The following SLC5A7 variants were observed in gnomAD, a reference collection of about 807,000 sequenced individuals.
The protein encoded by SLC5A7 is high affinity choline transporter 1.
In SLC5A7, 19 loss-of-function variants were observed where a neutral mutation model predicts 55.4. The observed-to-expected ratio is 0.34, with a 90% CI of 0.24 to 0.50. The LOEUF is 0.50. Among genes scored for constraint, SLC5A7 ranks in the 20% least tolerant of loss-of-function variants. The pLI, the probability that SLC5A7 is intolerant of heterozygous loss-of-function variation, is 0.98. For synonymous variants in SLC5A7, 265 were observed against 263.7 expected (o/e 1.00, Z -0.05); for missense variants, 506 against 705.3 (o/e 0.72, Z 3.20).
chr2:107,989,885 G>A (rs965326775), intron 2 of SLC5A7, among the ~76,000 whole-genome samples: 1 of 151,746 alleles, frequency 6.6e-6, no homozygotes, highest in Non-Finnish European at 1.5e-5. Flanking sequence ...ATTTAGAATG[G>A]TTTTTTTCAA....
chr2:107,988,020 C>T, intron 1 of SLC5A7, 85 bp from the exon 2 acceptor site: 1 of 804,938 alleles, frequency 1.2e-6, no homozygotes, highest in Non-Finnish European at 1.9e-6. Flanking sequence ...CACAGGATCT[C>T]GCATGAGCCA....
chr2:108,009,030 G>T (rs571597299), intron 8 of SLC5A7, among the ~76,000 whole-genome samples: 18 of 151,862 alleles, frequency 1.2e-4, no homozygotes, highest in Non-Finnish European at 2.2e-4. Context: ...TATGACACTG[G>T]AAAATCTTGG....
chr2:107,992,979 G>A lies in SLC5A7; in HGVS notation c.300G>A (p.Leu100=). 1 of 1,613,960 alleles carries A rather than the reference G, an allele frequency of 6.2e-7. No individual in the cohort carries two copies. The highest frequency in any genetic ancestry group is 1.7e-5 in the Admixed American group (1 of 59,980). ...CAGTTGCTTAATTTTTAGGTGGCCT[G>A]TTCTTTGCAAAACCTATGCGTTCAA... ...GYSLSLILGG[L]FFAKPMRSKG... The change falls in exon 4 of 9, where the codon CTG becomes CTA. Residue 100 remains leucine, a synonymous_variant. Transcript: ENST00000264047.
intron 2 of SLC5A7, among the ~76,000 whole-genome samples, chr2:107,989,512 T>G (rs1677368151): frequency 6.6e-6 from 1 of 152,200 alleles, no homozygotes; most frequent in Non-Finnish European, 1.5e-5. Context: ...GTGGACTCAT[T>G]TGGTCTTTAT....
At chr2:108,005,402 A>G (rs1433475767) in intron 6 of SLC5A7, among the ~76,000 whole-genome samples, 1 of 152,220 alleles carries the variant, frequency 6.6e-6, no homozygotes, top group East Asian at 1.9e-4. Context: ...ATATTTTATG[A>G]TGGTTAGAAC....
Position 108,012,130 on chromosome 2 carries a change from G to T in SLC5A7, c.*1269G>T, listed in dbSNP as rs11883519. Reference sequence around the variant, plus strand: ...GAGATTGGTCATTAAATACTATTTTGCTCCTTTTCTGGTGTTACACATACA... The same window carrying T: ...GAGATTGGTCATTAAATACTATTTTTCTCCTTTTCTGGTGTTACACATACA... On this transcript the variant is annotated 3_prime_UTR_variant, in exon 9 of 9. Transcript: ENST00000264047. The T allele has an allele frequency of 0.56, 84,837 of 151,782 alleles. 23,902 individuals are homozygous for T. Among genetic ancestry groups the T allele is most frequent in the East Asian group, 0.71 (3,634 of 5,112 alleles). 9.4% of individuals were successfully genotyped at this position (151,782 alleles called of 1,614,324 possible).
At position 108,011,809 on chromosome 2, in the gene SLC5A7, T is replaced by G. The variant is rs374903324; in HGVS notation, c.*948T>G. 1.6e-4 allele frequency: 25 copies of G among 152,192 alleles called. No homozygotes were observed. The highest frequency in any genetic ancestry group is 1.4e-3 in the East Asian group (7 of 5,168). 9.4% of individuals were successfully genotyped at this position (152,192 alleles called of 1,614,324 possible). A position where few individuals can be genotyped will look rare whatever the true frequency, so the allele number is the denominator to read the frequency against. ...GTTAATGAGAGGCACACTGCTAAAT[T>G]TACGTATATTTCATTGAATACTTTA... On this transcript the variant is annotated 3_prime_UTR_variant, in exon 9 of 9. Coordinates refer to ENST00000264047, the MANE Select transcript of SLC5A7 (RefSeq NM_021815.5).
In SLC5A7 at chr2:107,992,170, C is replaced by G. The variant is rs1677476284; in HGVS notation, c.243C>G (p.Gly81=). The change falls in exon 3 of 9, where the codon GGC becomes GGG. Residue 81 remains glycine, a synonymous_variant. Coordinates refer to ENST00000264047, the MANE Select transcript of SLC5A7 (RefSeq NM_021815.5). Reference sequence around the variant, plus strand: ...AAGCAGTTTATGTACCAGGTTATGGCCTAGCTTGGGCTCAGGCACCAATTG... The same window carrying G: ...AAGCAGTTTATGTACCAGGTTATGGGCTAGCTTGGGCTCAGGCACCAATTG... ...TAEAVYVPGY[G]LAWAQAPIGY... is the part of the protein sequence containing the mutation. The G allele has an allele frequency of 6.2e-7, 1 of 1,613,642 alleles. No homozygotes were observed. Among genetic ancestry groups the G allele is most frequent in the Non-Finnish European group, 8.5e-7 (1 of 1,179,742 alleles).
chr2:107,998,111 A>T, intron 5 of SLC5A7, 125 bp downstream of exon 5: 1 of 931,066 alleles, frequency 1.1e-6, no homozygotes, highest in Non-Finnish European at 1.5e-6. Flanking sequence ...TAAGTCACAT[A>T]CATGAAATTT....
chr2:108,002,723 G>T (rs993780499), intron 6 of SLC5A7, among the ~76,000 whole-genome samples: 4 of 152,138 alleles, frequency 2.6e-5, no homozygotes, highest in Non-Finnish European at 4.4e-5. Flanking sequence ...TTCAACGTAA[G>T]AAATCAATTA....
intron 7 of SLC5A7, among the ~76,000 whole-genome samples, chr2:108,006,485 G>T (rs1271052238): frequency 6.7e-6 from 1 of 150,212 alleles, no homozygotes; most frequent in Non-Finnish European, 1.5e-5. Context: ...CTCCCAAAGT[G>T]CTGGGATTAT....
rs1677256254 is a variant in SLC5A7, at chr2:107,986,777, G to T, written c.-52+14G>T. ...CCACCACTCCAGGTAGGAGCGGAGC[G>T]GGCATTCCTGCGCCTACGGGCCCGC... On this transcript the variant is annotated intron_variant, in intron 1 of 8. Transcript: ENST00000264047. 1.3e-5 allele frequency: 2 copies of T among 152,196 alleles called. No homozygotes were observed. Among genetic ancestry groups the T allele is most frequent in the African/African-American group, 4.8e-5 (2 of 41,432 alleles). 9.4% of individuals were successfully genotyped at this position (152,196 alleles called of 1,614,324 possible). A position where few individuals can be genotyped will look rare whatever the true frequency, so the allele number is the denominator to read the frequency against.
intron 6 of SLC5A7, among the ~76,000 whole-genome samples, chr2:108,004,142 A>G (rs987672670): frequency 9.8e-5 from 15 of 152,336 alleles, no homozygotes; most frequent in African/African-American, 3.6e-4. Flanking sequence ...AGTCCATTGT[A>G]TCATGAGAGC....
At position 107,993,066 on chromosome 2, in the gene SLC5A7, C is replaced by G; in HGVS notation, c.387C>G (p.Leu129=). ...TCTATGGAAAACGCATGGGCGGACT[C>G]CTGTTTATTCCTGCACTGATGGGAG... The part of the protein sequence containing the change: ...QQIYGKRMGG[L]LFIPALMGEM... Residue 129 remains leucine (L), a synonymous_variant, in exon 4 of 9, where the codon CTC becomes CTG. Transcript: ENST00000264047. 3 of 1,614,206 alleles carry G rather than the reference C, an allele frequency of 1.9e-6. No individual in the cohort carries two copies. Among genetic ancestry groups the G allele is most frequent in the Non-Finnish European group, 1.7e-6 (2 of 1,180,032 alleles).
chr2:108,001,600 G>A (rs981043812), intron 5 of SLC5A7, among the ~76,000 whole-genome samples: 1 of 148,520 alleles, frequency 6.7e-6, no homozygotes, highest in African/African-American at 2.5e-5. Context: ...GTGAACCCGG[G>A]AGGCGGAGCT....
chr2:107,987,435 C>T (rs558078796), intron 1 of SLC5A7, among the ~76,000 whole-genome samples: 1 of 151,990 alleles, frequency 6.6e-6, no homozygotes, highest in East Asian at 1.9e-4. Flanking sequence ...GGATATTGGG[C>T]GAAGAAGATC....
Position 107,993,044 on chromosome 2 carries a change from A to G in SLC5A7, c.365A>G (p.Tyr122Cys), listed in dbSNP as rs150217056. 3 of 1,614,106 alleles carry G rather than the reference A, an allele frequency of 1.9e-6. No individual in the cohort carries two copies. The highest frequency in any genetic ancestry group is 1.7e-5 in the Admixed American group (1 of 60,012). Reference protein sequence around the residue: ...VTMLDPFQQIYGKRMGGLLFI... With the variant: ...VTMLDPFQQICGKRMGGLLFI... ...ATGTTAGACCCGTTTCAGCAAATCT[A>G]TGGAAAACGCATGGGCGGACTCCTG... is the stretch of plus-strand genomic sequence containing the variant. The change falls in exon 4 of 9, where the codon TAT becomes TGT. Residue 122 changes from tyrosine (Y) to cysteine (C), a missense_variant. Tyr to Cys is a radical substitution (Grantham distance 194). Transcript: ENST00000264047.
intron 2 of SLC5A7, among the ~76,000 whole-genome samples, chr2:107,991,662 A>G (rs1346979504): frequency 1.3e-5 from 2 of 152,130 alleles, no homozygotes; most frequent in African/African-American, 2.4e-5. Context: ...AAACATCAAT[A>G]CAAGTAAAAT....
chr2:107,997,824 C>T lies in SLC5A7; in HGVS notation c.449-14C>T, dbSNP rs1168011809. On this transcript the variant is annotated splice_polypyrimidine_tract_variant and intron_variant, in intron 4 of 8. Transcript: ENST00000264047. Reference sequence around the variant, plus strand: ...CTGGGCACCTTGACCACAGAACTCTCTTGTTTGTTTCAGGAGCCACCATCA... The same window carrying T: ...CTGGGCACCTTGACCACAGAACTCTTTTGTTTGTTTCAGGAGCCACCATCA... 3 of 1,601,654 alleles carry T rather than the reference C, an allele frequency of 1.9e-6. No homozygotes were observed. Among genetic ancestry groups the T allele is most frequent in the Non-Finnish European group, 2.6e-6 (3 of 1,173,874 alleles).
Sources: gnomAD v4.1 joint callset for allele counts (sites outside exome capture counted in the v4.1 genomes callset) on GRCh38, gnomAD v4.1.1 for gene constraint, MANE v1.5 for transcripts, NCBI Gene and HGNC (gene_info 2026-07-23, HGNC 2026-07-21) for gene names.